Variants in PCDHA7 observed in about 807,000 individuals in gnomAD.
The protein encoded by PCDHA7 is protocadherin alpha 7, also known as protocadherin alpha-7.
PCDHA7 carries 37 observed loss-of-function variants against 57.2 expected under a neutral mutation model. That is an observed-to-expected ratio of 0.65 (90% CI 0.50 to 0.85). The LOEUF (loss-of-function observed/expected upper bound fraction) is 0.85. Ranked by LOEUF, PCDHA7 falls within the 40% of genes least tolerant of loss-of-function variation. The pLI is 0.00. For synonymous variants in PCDHA7, 553 were observed against 558.8 expected, an observed-to-expected ratio of 0.99 and a Z score of 0.15; for missense variants, 1,188 against 1,241.8, an observed-to-expected ratio of 0.96 and a Z score of 0.65.
At chr5:140,947,647 A>G (rs1192426462) in intron 1 of PCDHA7, among the ~76,000 whole-genome samples, 1 of 151,646 alleles carries the variant, frequency 6.6e-6, no homozygotes, top group African/African-American at 2.4e-5. Flanking sequence ...ATGAACATAT[A>G]TACCTCCATT....
chr5:140,838,018 T>TACAG (rs1484069937), intron 1 of PCDHA7, among the ~76,000 whole-genome samples: 1 of 151,286 alleles, frequency 6.6e-6, no homozygotes, highest in East Asian at 1.9e-4. Flanking sequence ...AAGAAGTGAT[T>TACAG]ACAGTAGAAA....
intron 3 of PCDHA7, among the ~76,000 whole-genome samples, chr5:140,983,623 GA>G (rs1554245569): frequency 6.6e-6 from 1 of 152,202 alleles, no homozygotes; most frequent in African/African-American, 2.4e-5. Flanking sequence ...GAGAGATTAA[GA>G]AATGTACCCA....
intron 1 of PCDHA7, among the ~76,000 whole-genome samples, chr5:140,973,915 A>T (rs1401328396): frequency 2.0e-5 from 3 of 152,242 alleles, no homozygotes; most frequent in African/African-American, 7.2e-5. Context: ...CATTCCTGTC[A>T]CCAAACCCAG....
chr5:140,854,184 T>C, intron 1 of PCDHA7: 1 of 612,228 alleles, frequency 1.6e-6, no homozygotes, highest in Non-Finnish European at 2.0e-6. Context: ...AAAGAGTAGT[T>C]TAACTACTCC....
intron 1 of PCDHA7, among the ~76,000 whole-genome samples, chr5:140,889,342 A>G (rs1418641372): frequency 6.6e-6 from 1 of 152,018 alleles, no homozygotes; most frequent in East Asian, 1.9e-4. Context: ...GATTGGTGGG[A>G]ATATTTCTGA....
chr5:140,956,177 A>G (rs1261759530), intron 1 of PCDHA7, among the ~76,000 whole-genome samples: 6 of 152,192 alleles, frequency 3.9e-5, no homozygotes, highest in Non-Finnish European at 8.8e-5. Flanking sequence ...AGAACTTCCA[A>G]TACTATGCTG....
At chr5:140,926,946 A>C in intron 1 of PCDHA7, 1 of 1,590,228 alleles carries the variant, frequency 6.3e-7, no homozygotes, top group Non-Finnish European at 8.6e-7. Context: ...GCGGCGCTGC[A>C]GCGGGACAGC....
At position 140,835,789 on chromosome 5, in the gene PCDHA7, C is replaced by A. The variant is rs2150244748; in HGVS notation, c.1406C>A (p.Pro469Gln). 5.0e-6 allele frequency: 8 copies of A among 1,613,106 alleles called. No homozygotes were observed. The highest frequency in any genetic ancestry group is 5.9e-6 in the Non-Finnish European group (7 of 1,179,740). ...ACGGTGTTCGTGAAGGAGAACAACC[C>A]GCCGGGCTGCCACATCTTCACTGTG... Reference protein sequence around the residue: ...EYTVFVKENNPPGCHIFTVSA... With the variant: ...EYTVFVKENNQPGCHIFTVSA... Residue 469 changes from proline (P) to glutamine (Q), a missense_variant, in exon 1 of 4, where the codon CCG (proline) becomes CAG (glutamine). By Grantham distance (76) the Pro-to-Gln change is moderately conservative (BLOSUM62 -1). This residue lies in a region of PCDHA7 where 892 missense variants were observed against 788.5 expected (regional missense o/e 1.13). Coordinates refer to ENST00000525929, the MANE Select transcript of PCDHA7 (RefSeq NM_018910.3).
chr5:140,875,449 A>T, intron 1 of PCDHA7: 2 of 1,590,426 alleles, frequency 1.3e-6, no homozygotes, highest in Non-Finnish European at 8.6e-7. Flanking sequence ...GATTGTCCCA[A>T]CTCAGAGGCC....
At chr5:140,892,758 A>G (rs936927643) in intron 1 of PCDHA7, among the ~76,000 whole-genome samples, 2 of 152,210 alleles carry the variant, frequency 1.3e-5, no homozygotes, top group Non-Finnish European at 2.9e-5. Flanking sequence ...AACATTTAAA[A>G]TCCACTCTTC....
intron 1 of PCDHA7, among the ~76,000 whole-genome samples, chr5:140,938,177 C>A (rs1165477047): frequency 6.6e-6 from 1 of 152,110 alleles, no homozygotes; most frequent in African/African-American, 2.4e-5. Flanking sequence ...AGCTCCTGGG[C>A]TCAAGCAATC....
chr5:140,885,861 A>G (rs1329895164), intron 1 of PCDHA7, among the ~76,000 whole-genome samples: 1 of 152,104 alleles, frequency 6.6e-6, no homozygotes, highest in African/African-American at 2.4e-5. Context: ...CTACTTTTCT[A>G]TTGAAAAAAA....
chr5:141,005,662 A>G (rs2098227817), intron 3 of PCDHA7, among the ~76,000 whole-genome samples: 1 of 138,324 alleles, frequency 7.2e-6, no homozygotes, highest in East Asian at 2.2e-4. Context: ...AGATCGCGCC[A>G]CTGCACTCCA....
intron 1 of PCDHA7, chr5:140,848,897 A>T (rs1554142535): frequency 6.2e-7 from 1 of 1,605,658 alleles, no homozygotes. Context: ...CAGTGTTCCC[A>T]GCGACACAAA....
At chr5:140,967,884 C>T (rs2096194386) in intron 1 of PCDHA7, 2 of 1,614,050 alleles carry the variant, frequency 1.2e-6, no homozygotes, top group African/African-American at 1.3e-5. Context: ...CTGTATAGCC[C>T]AGTGCCTGAG....
intron 1 of PCDHA7, chr5:140,861,593 A>G: frequency 2.7e-6 from 1 of 371,316 alleles, no homozygotes; most frequent in South Asian, 2.5e-5. Context: ...TGGAGGTGAA[A>G]GTGAAGAACA....
chr5:140,846,435 C>T (rs1355633400), intron 1 of PCDHA7, among the ~76,000 whole-genome samples: 1 of 133,632 alleles, frequency 7.5e-6, no homozygotes, highest in Non-Finnish European at 1.6e-5. Flanking sequence ...AATGCAGTGG[C>T]GCAATCTCGG....
In PCDHA7 at chr5:140,981,860, A is replaced by C. The variant is rs377325751; in HGVS notation, c.2415-615A>C. On this transcript the variant is annotated intron_variant, in intron 2 of 3. Coordinates refer to ENST00000525929, the MANE Select transcript of PCDHA7 (RefSeq NM_018910.3). ...TCCCAGTTTGTATCTCACTCCCAGC[A>C]ATGTTTTATGCTGAATTAATCTCTT... Among the ~76,000 whole-genome samples the C allele has an allele frequency of 1.1e-3, 166 of 152,246 alleles. 1 individual carries two copies. The highest frequency in any genetic ancestry group is 3.9e-3 in the African/African-American group (160 of 41,532).
At chr5:140,875,982 T>A (rs782696437) in intron 1 of PCDHA7, 7 of 1,614,008 alleles carry the variant, frequency 4.3e-6, no homozygotes, top group Non-Finnish European at 5.9e-6. Context: ...TTTTGACCTA[T>A]GCGTTAAGTC....
Sources: allele counts gnomAD v4.1 joint callset (sites outside exome capture counted in the v4.1 genomes callset), GRCh38; gene constraint gnomAD v4.1.1; regional missense constraint gnomAD v4.1.1; transcripts MANE v1.5; gene names NCBI Gene and HGNC (gene_info 2026-07-23, HGNC 2026-07-21).